Variants in MDH1B observed in about 807,000 individuals in gnomAD.
The protein encoded by MDH1B is putative malate dehydrogenase 1B.
MDH1B carries 60 observed loss-of-function variants against 61.4 expected under a neutral mutation model. That is an observed-to-expected ratio of 0.98 (90% confidence interval 0.79 to 1.21). The LOEUF is 1.21. Ranked by LOEUF, MDH1B falls within the 50% of genes most tolerant of loss-of-function variation. The pLI, the probability that MDH1B is intolerant of heterozygous loss-of-function variation, is 0.00. For synonymous variants in MDH1B, 236 were observed against 218.7 expected (o/e 1.08, Z -0.70); for missense variants, 587 against 632.1 (o/e 0.93, Z 0.76).
rs1687567151 is a variant in MDH1B, at chr2:206,737,808, G to A, written c.*675C>T. On this transcript the variant is annotated 3_prime_UTR_variant, in exon 12 of 12. Coordinates refer to ENST00000374412, the MANE Select transcript of MDH1B (RefSeq NM_001039845.3). The stretch of plus-strand genomic sequence containing the variant: ...TATTCAGGCCATATCTCTTGTCAAG[G>A]AGCAGAAACCTATTCAATCTAAGCT... The A allele has an allele frequency of 6.6e-6, 1 of 152,122 alleles. No homozygotes were observed. Among genetic ancestry groups the A allele is most frequent in the South Asian group, 2.1e-4 (1 of 4,820 alleles). The allele number at this position is 152,122 out of a possible 1,614,324, so 9.4% of individuals were successfully genotyped here.
rs979574244 is a variant in MDH1B at position 206,738,503 on chromosome 2, C to T, written c.1537G>A (p.Gly513Ser). ...QSLEFLNEFE[G>S]KTVES ...ATCTGTTAGGATTCCACGGTTTTGCCTTCAAATTCTGTAAAAGGAAAAGAA... is the reference window on the plus strand; with the variant it reads ...ATCTGTTAGGATTCCACGGTTTTGCTTTCAAATTCTGTAAAAGGAAAAGAA... Residue 513 changes from glycine to serine, a missense_variant, in exon 12 of 12, where the codon GGC (glycine) becomes AGC (serine). Coordinates refer to ENST00000374412, the MANE Select transcript of MDH1B (RefSeq NM_001039845.3). 5 of 1,582,690 alleles carry T rather than the reference C, an allele frequency of 3.2e-6. No homozygotes were observed. The highest frequency in any genetic ancestry group is 1.7e-5 in the Admixed American group (1 of 58,112).
rs1413880769 is a variant in MDH1B, at chr2:206,755,125, G to A, written c.794C>T (p.Thr265Ile). Residue 265 changes from threonine to isoleucine, a missense_variant, in exon 5 of 12, where the codon ACA becomes ATA. Coordinates refer to ENST00000374412, the MANE Select transcript of MDH1B (RefSeq NM_001039845.3). ...TGGGGCATATCTCATGAGTAAAACT[G>A]TCTTCAGGTTTACAAAGGTTCTCCC... Reference protein sequence around the residue: ...VGGRTFVNLKTVLLMRYAPRI... With the variant: ...VGGRTFVNLKIVLLMRYAPRI... The A allele has an allele frequency of 1.2e-6, 2 of 1,614,088 alleles. No individual in the cohort carries two copies. The highest frequency in any genetic ancestry group is 1.3e-5 in the African/African-American group (1 of 74,936).
intron 5 of MDH1B, among the ~76,000 whole-genome samples, chr2:206,754,385 T>C (rs564884026): frequency 2.6e-5 from 4 of 152,228 alleles, no homozygotes; most frequent in African/African-American, 7.2e-5. Context: ...TAGTCTCATC[T>C]TCTCATCTTC....
rs548706841 is a variant in MDH1B, at chr2:206,762,392, A to T, written c.23-1379T>A. On this transcript the variant is annotated intron_variant, in intron 1 of 11. Transcript: ENST00000374412. ...TTCCTCCTTTCTTCATTTCAATGGAAGAGGAGTCCTACCTCCTGTCTAATC... is the reference window on the plus strand; with the variant it reads ...TTCCTCCTTTCTTCATTTCAATGGATGAGGAGTCCTACCTCCTGTCTAATC... Among the ~76,000 whole-genome samples the T allele has an allele frequency of 4.2e-3, 636 of 152,276 alleles. 4 individuals are homozygous for T. The highest frequency in any genetic ancestry group is 5.3e-3 in the Non-Finnish European group (362 of 68,026).
At chr2:206,755,870 C>A (rs1574642326) in intron 4 of MDH1B, among the ~76,000 whole-genome samples, 1 of 150,300 alleles carries the variant, frequency 6.7e-6, no homozygotes, top group Admixed American at 6.6e-5. Flanking sequence ...TTCAGTTAGC[C>A]ATAGCTCTTT....
At chr2:206,745,322 T>G (rs1408370219) in intron 9 of MDH1B, 2 of 524,390 alleles carry the variant, frequency 3.8e-6, no homozygotes, top group Admixed American at 2.3e-5. Flanking sequence ...CAAGTAAATT[T>G]CTGTTGTTTT....
At chr2:206,744,290 G>A (rs1427102512) in intron 9 of MDH1B, among the ~76,000 whole-genome samples, 2 of 152,198 alleles carry the variant, frequency 1.3e-5, no homozygotes, top group Non-Finnish European at 1.5e-5. Context: ...GGTTCCCAGA[G>A]GGCAAGATCA....
chr2:206,746,250 A>G (rs777331245), intron 8 of MDH1B, 37 bp downstream of exon 8: 1 of 1,585,704 alleles, frequency 6.3e-7, no homozygotes, highest in Non-Finnish European at 8.6e-7. Flanking sequence ...TAAGGTCATT[A>G]TCAAGGTCAG....
intron 1 of MDH1B, among the ~76,000 whole-genome samples, chr2:206,761,754 T>G (rs534247972): frequency 3.3e-5 from 5 of 152,084 alleles, no homozygotes; most frequent in Non-Finnish European, 5.9e-5. Flanking sequence ...GGGCATCTGA[T>G]AGAGCAGGAG....
rs1446841019 is a variant in MDH1B at position 206,749,102 on chromosome 2, T to G, written c.1134A>C (p.Ala378=). Residue 378 remains alanine, a synonymous_variant, in exon 7 of 12, where the codon GCA becomes GCC. Coordinates refer to ENST00000374412, the MANE Select transcript of MDH1B (RefSeq NM_001039845.3). The part of the protein sequence containing the change: ...TGRQFGGILA[A]HSIATTLKYW... ...ATTTCAGTGTAGTGGCTATACTGTG[T>G]GCAGCCAAAATGCCTCCAAATTGTC... The G allele has an allele frequency of 6.2e-7, 1 of 1,614,126 alleles. No individual in the cohort carries two copies. The highest frequency in any genetic ancestry group is 8.5e-7 in the Non-Finnish European group (1 of 1,179,942).
chr2:206,738,538 A>G (rs756993435), intron 11 of MDH1B, 27 bp from the exon 12 acceptor site: 3 of 1,557,640 alleles, frequency 1.9e-6, no homozygotes, highest in East Asian at 2.3e-5. Flanking sequence ...ATGAAAAGAC[A>G]TAACTATTTC....
intron 9 of MDH1B, among the ~76,000 whole-genome samples, chr2:206,741,706 A>G (rs147642438): frequency 2.6e-5 from 4 of 152,292 alleles, no homozygotes; most frequent in Non-Finnish European, 5.9e-5. Flanking sequence ...CTTTATTTAT[A>G]CATAAGTATC....
chr2:206,749,572 T>C (rs1328053875), intron 6 of MDH1B, among the ~76,000 whole-genome samples: 2 of 152,304 alleles, frequency 1.3e-5, no homozygotes, highest in East Asian at 3.9e-4. Flanking sequence ...AGGTTGCGTA[T>C]CCCTTAGCCT....
intron 9 of MDH1B, among the ~76,000 whole-genome samples, chr2:206,743,155 G>A (rs774738253): frequency 1.5e-4 from 23 of 152,180 alleles, no homozygotes; most frequent in Admixed American, 9.8e-4. Flanking sequence ...GGGACTTGGC[G>A]TTTAATGTTG....
chr2:206,756,131 G>C lies in MDH1B; in HGVS notation c.414-626C>G, dbSNP rs10164956. Among the ~76,000 whole-genome samples, 529 of 152,176 alleles carry C rather than the reference G, an allele frequency of 3.5e-3. 6 individuals carry two copies. The highest frequency in any genetic ancestry group is 0.012 in the African/African-American group (512 of 41,516). On this transcript the variant is annotated intron_variant, in intron 4 of 11. Transcript: ENST00000374412. ...TTTCTGGTATTCACAGTGGGTTTGG[G>C]GAGGTGTATAATGGGGGTTTCAACA...
chr2:206,760,678 C>G (rs1050331145), intron 2 of MDH1B, among the ~76,000 whole-genome samples: 19 of 152,120 alleles, frequency 1.2e-4, no homozygotes, highest in African/African-American at 4.3e-4. Context: ...CAAACTTATT[C>G]TACTTATTGA....
rs376750821 is a variant in MDH1B, at chr2:206,754,993, A to G, written c.910+16T>C. 2 of 1,602,820 alleles carry G rather than the reference A, an allele frequency of 1.2e-6. No homozygotes were observed. The highest frequency in any genetic ancestry group is 2.7e-5 in the African/African-American group (2 of 74,414). Reference sequence around the variant, plus strand: ...TTTCAAAATAAAAACAAAAACATAAAGAGACATTCACTCACATGAAGGAGC... The same window carrying G: ...TTTCAAAATAAAAACAAAAACATAAGGAGACATTCACTCACATGAAGGAGC... On this transcript the variant is annotated intron_variant, in intron 5 of 11. Transcript: ENST00000374412.
At chr2:206,738,650 T>C (rs182450548) in intron 11 of MDH1B, 139 bp from the exon 12 acceptor site, 1 of 546,946 alleles carries the variant, frequency 1.8e-6, no homozygotes, top group East Asian at 3.1e-5. Context: ...AGAGTGATTC[T>C]ATGGGGAAAT....
chr2:206,752,240 C>T (rs1238821804), intron 5 of MDH1B, among the ~76,000 whole-genome samples: 1 of 152,150 alleles, frequency 6.6e-6, no homozygotes, highest in Non-Finnish European at 1.5e-5. Context: ...TGCCTTTTCT[C>T]TTTTCAAAAA....
Sources: allele counts gnomAD v4.1 joint callset (sites outside exome capture counted in the v4.1 genomes callset), GRCh38; gene constraint gnomAD v4.1.1; transcripts MANE v1.5; gene names NCBI Gene and HGNC (gene_info 2026-07-23, HGNC 2026-07-21).